Variants in TCEA3 observed in about 807,000 individuals in gnomAD.
TCEA3 encodes transcription elongation factor A protein 3.
Under a neutral mutation model 44.0 loss-of-function variants are expected in TCEA3, and 36 were observed. That is an observed-to-expected ratio of 0.82 (90% CI 0.63 to 1.08). The LOEUF is 1.08. TCEA3 is among the 50% of genes least tolerant of loss of function. The probability of loss-of-function intolerance (pLI) is 0.00; values close to 1 mark genes in which losing one functional copy is unlikely to be tolerated. For missense variants in TCEA3, 392 were observed against 441.2 expected (o/e 0.89, Z 1.00); for synonymous variants, 162 against 159.7 (o/e 1.01, Z -0.11).
chr1:23,384,454 C>G (rs1404488384), intron 9 of TCEA3, 37 bp from the exon 10 acceptor site: 1 of 1,605,396 alleles, frequency 6.2e-7, no homozygotes, highest in Non-Finnish European at 8.5e-7. Context: ...AGTCACTCCC[C>G]TGTTCTAGGA....
chr1:23,411,189 A>G (rs1639695130), intron 4 of TCEA3: 2 of 152,346 alleles, frequency 1.3e-5, no homozygotes, highest in Non-Finnish European at 2.9e-5. Context: ...TGGAGTCTCA[A>G]TCTGTCACCC....
chr1:23,389,057 C>G (rs1484543681), intron 8 of TCEA3, among the ~76,000 whole-genome samples: 1 of 152,124 alleles, frequency 6.6e-6, no homozygotes, highest in African/African-American at 2.4e-5. Flanking sequence ...GTGTTAAATT[C>G]AAAGGCTAGG....
chr1:23,383,578 G>C lies in TCEA3; in HGVS notation c.1038+768C>G, dbSNP rs1638735051. On this transcript the variant is annotated intron_variant, in intron 10 of 10. Transcript: ENST00000450454. ...GCTCAGCATGAGTAGGGCAGAATGG[G>C]ACCTGAAACCAGGGATCCTGACTTA... The C allele has an allele frequency of 1.3e-5, 13 of 982,584 alleles. No homozygotes were observed. In the South Asian group the frequency reaches 5.7e-4, roughly 43 times the overall value. 60.9% of individuals were successfully genotyped at this position (982,584 alleles called of 1,614,324 possible). A position where few individuals can be genotyped will look rare whatever the true frequency, so the allele number is the denominator to read the frequency against.
At chr1:23,383,889 A>G (rs776723474) in intron 10 of TCEA3, 61 of 996,454 alleles carry the variant, frequency 6.1e-5, no homozygotes, top group Non-Finnish European at 6.9e-5. Context: ...GGAGGGAAGG[A>G]TGGCCTGGTG....
intron 7 of TCEA3, among the ~76,000 whole-genome samples, chr1:23,396,596 A>G (rs1639222553): frequency 6.6e-6 from 1 of 152,142 alleles, no homozygotes; most frequent in East Asian, 1.9e-4. Context: ...CAGACTCCTC[A>G]TCTGTAAAAT....
At chr1:23,393,610 T>C (rs1639127378) in intron 8 of TCEA3, among the ~76,000 whole-genome samples, 2 of 152,252 alleles carry the variant, frequency 1.3e-5, no homozygotes, top group South Asian at 4.1e-4. Context: ...GATCCTCATC[T>C]GTAGAATGGG....
chr1:23,392,365 C>CAAA (rs201992406), intron 8 of TCEA3, among the ~76,000 whole-genome samples: 15 of 11,506 alleles, frequency 1.3e-3, no homozygotes, highest in Non-Finnish European at 2.2e-3. Context: ...ACATCATACA[C>CAAA]ACACACTCCA....
chr1:23,382,434 A>G (rs1638693901), intron 10 of TCEA3, among the ~76,000 whole-genome samples: 1 of 152,198 alleles, frequency 6.6e-6, no homozygotes, highest in Non-Finnish European at 1.5e-5. Context: ...TACCCAAAAT[A>G]GTAAGAATAG....
intron 8 of TCEA3, among the ~76,000 whole-genome samples, chr1:23,389,264 G>A (rs1638947372): frequency 6.6e-6 from 1 of 152,086 alleles, no homozygotes; most frequent in South Asian, 2.1e-4. Flanking sequence ...GGGACAGGTG[G>A]ATCACCTGAG....
At chr1:23,399,105 A>G (rs1336612384) in intron 5 of TCEA3, among the ~76,000 whole-genome samples, 2 of 137,318 alleles carry the variant, frequency 1.5e-5, no homozygotes, top group Admixed American at 1.6e-4. Context: ...CTATCTAAGA[A>G]TTATCTCATT....
chr1:23,408,975 G>C (rs1384187275), intron 4 of TCEA3, among the ~76,000 whole-genome samples: 1 of 152,196 alleles, frequency 6.6e-6, no homozygotes, highest in Non-Finnish European at 1.5e-5. Context: ...CACATGCCAT[G>C]TATGTGACAT....
intron 5 of TCEA3, among the ~76,000 whole-genome samples, chr1:23,406,333 A>C (rs1639544482): frequency 6.6e-6 from 1 of 152,204 alleles, no homozygotes; most frequent in Admixed American, 6.5e-5. Flanking sequence ...CATTAGGCTT[A>C]AAATAATTCT....
chr1:23,420,423 T>G (rs533056415), intron 1 of TCEA3, among the ~76,000 whole-genome samples: 15 of 152,316 alleles, frequency 9.8e-5, no homozygotes, highest in African/African-American at 3.4e-4. Context: ...TTGCATTGTT[T>G]CGTAGAGATA....
intron 7 of TCEA3, among the ~76,000 whole-genome samples, chr1:23,395,270 G>A (rs917240260): frequency 1.3e-5 from 2 of 152,224 alleles, no homozygotes; most frequent in African/African-American, 4.8e-5. Context: ...CAGGGCTGGC[G>A]ATACTTTCAC....
At chr1:23,400,110 G>A (rs1297061767) in intron 5 of TCEA3, among the ~76,000 whole-genome samples, 1 of 152,214 alleles carries the variant, frequency 6.6e-6, no homozygotes, top group African/African-American at 2.4e-5. Flanking sequence ...TGGAGAGAAA[G>A]GATCTAACCA....
chr1:23,392,263 C>T (rs1359932603), intron 8 of TCEA3, among the ~76,000 whole-genome samples: 1 of 151,108 alleles, frequency 6.6e-6, no homozygotes, highest in Non-Finnish European at 1.5e-5. Flanking sequence ...CACACTTCCA[C>T]ATGCCACACA....
At chr1:23,412,570 T>C (rs1434908143) in intron 4 of TCEA3, among the ~76,000 whole-genome samples, 2 of 151,340 alleles carry the variant, frequency 1.3e-5, no homozygotes, top group African/African-American at 4.9e-5. Context: ...TAGCTGGGCA[T>C]GGAGGCACAT....
At chr1:23,421,888 G>C (rs966747494) in intron 1 of TCEA3, among the ~76,000 whole-genome samples, 1 of 152,178 alleles carries the variant, frequency 6.6e-6, no homozygotes, top group African/African-American at 2.4e-5. Flanking sequence ...CTCTCCACTG[G>C]GTGTATGCCT....
At chr1:23,419,485 C>T (rs1223810419) in intron 1 of TCEA3, 1 of 208,542 alleles carries the variant, frequency 4.8e-6, no homozygotes, top group Non-Finnish European at 9.5e-6. Context: ...AGCGTCCTTC[C>T]CTTACCTCCC....
Sources: allele counts gnomAD v4.1 joint callset (sites outside exome capture counted in the v4.1 genomes callset), GRCh38; gene constraint gnomAD v4.1.1; transcripts MANE v1.5; gene names NCBI Gene and HGNC (gene_info 2026-07-23, HGNC 2026-07-21).